Variants in SAG observed in about 807,000 individuals in gnomAD.
SAG encodes the protein S-arrestin.
A neutral mutation model predicts 55.0 loss-of-function variants in SAG; 45 were observed. That is an observed-to-expected ratio of 0.82 (90% CI 0.64 to 1.05). The LOEUF is 1.05. SAG is among the 50% of genes least tolerant of loss of function. The probability of loss-of-function intolerance (pLI) is 0.00; values close to 1 mark genes in which losing one functional copy is unlikely to be tolerated. For missense variants in SAG, 455 were observed against 512.1 expected, an observed-to-expected ratio of 0.89 and a Z score of 1.08; for synonymous variants, 189 against 197.4, an observed-to-expected ratio of 0.96 and a Z score of 0.36.
intron 6 of SAG, among the ~76,000 whole-genome samples, chr2:233,326,905 G>A (rs1393606035): frequency 2.6e-5 from 4 of 152,218 alleles, no homozygotes; most frequent in African/African-American, 9.7e-5. Context: ...CCTCCCTCTG[G>A]GGGCTTTGGG....
In SAG at chr2:233,334,946, G is replaced by A; in HGVS notation, c.807-16G>A. 1 of 1,613,796 alleles carries A rather than the reference G, an allele frequency of 6.2e-7. No homozygotes were observed. Reference sequence around the variant, plus strand: ...GCTTTGATGGTTATAAATCTCCTCTGTTCTTCTTCCTCTAGAGAAAAAGTG... The same window carrying A: ...GCTTTGATGGTTATAAATCTCCTCTATTCTTCTTCCTCTAGAGAAAAAGTG... On this transcript the variant is annotated splice_polypyrimidine_tract_variant and intron_variant, in intron 10 of 15. Transcript: ENST00000409110.
intron 2 of SAG, 78 bp downstream of exon 2, chr2:233,309,342 C>A: frequency 7.8e-7 from 1 of 1,278,358 alleles, no homozygotes; most frequent in South Asian, 1.3e-5. Context: ...ACAGTGTAGT[C>A]ATGATCAACA....
chr2:233,320,853 C>T, intron 5 of SAG, 30 bp downstream of exon 5: 1 of 1,541,124 alleles, frequency 6.5e-7, no homozygotes, highest in Non-Finnish European at 8.8e-7. Flanking sequence ...AGCCCTGCTT[C>T]CTTCACCCGC....
intron 2 of SAG, among the ~76,000 whole-genome samples, chr2:233,314,165 T>C (rs1398722336): frequency 6.6e-6 from 1 of 150,476 alleles, no homozygotes; most frequent in African/African-American, 2.5e-5. Context: ...GGGGTTGCAG[T>C]GAGCTGAGAT....
intron 10 of SAG, chr2:233,332,986 AGGG>A (rs1700815231): frequency 6.6e-6 from 1 of 150,790 alleles, no homozygotes; most frequent in South Asian, 2.1e-4. Flanking sequence ...TAGTAGAGAC[AGGG>A]TTTCACCTGT....
rs1436278880 is a variant in SAG, at chr2:233,334,984, A to C, written c.829A>C (p.Thr277Pro). 3.1e-6 allele frequency: 5 copies of C among 1,614,010 alleles called. No homozygotes were observed. The highest frequency in any genetic ancestry group is 4.2e-6 in the Non-Finnish European group (5 of 1,179,878). The change falls in exon 11 of 16, where the codon ACT becomes CCT. Residue 277 changes from threonine (T) to proline (P), a missense_variant. Transcript: ENST00000409110. Reference sequence around the variant, plus strand: ...TAGAGAAAAAGTGCCACCAAACAGCACTTTGACCAAGACGCTGACGCTGCT... The same window carrying C: ...TAGAGAAAAAGTGCCACCAAACAGCCCTTTGACCAAGACGCTGACGCTGCT... ...EAQEKVPPNS[T>P]LTKTLTLLPL...
intron 11 of SAG, among the ~76,000 whole-genome samples, chr2:233,336,875 C>T (rs1700948319): frequency 1.3e-5 from 2 of 152,112 alleles, no homozygotes; most frequent in Non-Finnish European, 2.9e-5. Flanking sequence ...GTGGGCGAAT[C>T]GCTTGAGCCC....
At position 233,319,366 on chromosome 2, in the gene SAG, T is replaced by G. The variant is rs1243001204; in HGVS notation, c.181+571T>G. Among the ~76,000 whole-genome samples, 1 of 152,190 alleles carries G rather than the reference T, an allele frequency of 6.6e-6. No homozygotes were observed. Among genetic ancestry groups the G allele is most frequent in the African/African-American group, 2.4e-5 (1 of 41,442 alleles). ...GTTCTGAACCAGTGTCACGGCGCCC[T>G]TGAAGATTTCTGGCAGTTTTGATGT... On this transcript the variant is annotated intron_variant, in intron 4 of 15. Coordinates refer to ENST00000409110, the MANE Select transcript of SAG (RefSeq NM_000541.5). The surrounding 1 kb of genome is among the most constrained non-coding windows in gnomAD (Gnocchi z 4.4).
chr2:233,322,830 G>T, intron 5 of SAG, 116 bp from the exon 6 acceptor site: 1 of 709,450 alleles, frequency 1.4e-6, no homozygotes, highest in East Asian at 2.7e-5. Flanking sequence ...AGGTGAATGT[G>T]ATTTTTCTTT....
chr2:233,342,495 C>G, intron 14 of SAG, 169 bp downstream of exon 14: 1 of 647,218 alleles, frequency 1.5e-6, no homozygotes, highest in Non-Finnish European at 2.8e-6. Context: ...GAGGGCCCAT[C>G]TGTTCAGCGC....
At chr2:233,346,465 C>T in intron 15 of SAG, 53 bp downstream of exon 15, 1 of 1,588,040 alleles carries the variant, frequency 6.3e-7, no homozygotes, top group Non-Finnish European at 8.6e-7. Context: ...CTGGGACCTT[C>T]TCCTCCAGCA....
At chr2:233,308,248 C>G (rs1263299509) in intron 1 of SAG, among the ~76,000 whole-genome samples, 1 of 152,114 alleles carries the variant, frequency 6.6e-6, no homozygotes, top group Non-Finnish European at 1.5e-5. Flanking sequence ...TCACTTGAAG[C>G]CAGGAATTCG....
intron 11 of SAG, among the ~76,000 whole-genome samples, chr2:233,336,903 C>T (rs1471273336): frequency 6.6e-6 from 1 of 152,080 alleles, no homozygotes; most frequent in African/African-American, 2.4e-5. Context: ...TGAGACCAGC[C>T]TGGGCAACAT....
chr2:233,339,487 T>G (rs897595787), intron 12 of SAG, among the ~76,000 whole-genome samples: 2 of 152,026 alleles, frequency 1.3e-5, no homozygotes, highest in African/African-American at 4.8e-5. Context: ...TTTCCCAAAT[T>G]TCTAACAAAG....
chr2:233,339,816 C>T (rs908598956), intron 12 of SAG, among the ~76,000 whole-genome samples: 3 of 151,858 alleles, frequency 2.0e-5, no homozygotes, highest in African/African-American at 4.8e-5. Context: ...GTGCCCACCA[C>T]CATGCCTGGC....
chr2:233,326,894 C>T (rs573496528), intron 6 of SAG, among the ~76,000 whole-genome samples: 138 of 152,158 alleles, frequency 9.1e-4, no homozygotes, highest in African/African-American at 3.2e-3. Flanking sequence ...CAGGTGGATC[C>T]CCTCCCTCTG....
rs761192719 is a variant in SAG, at chr2:233,329,452, C to T, written c.649-41C>T. ...AGCAGTAAGATTAAAGACACCGCCA[C>T]ATCTGTTCTCTTCTTCTGACCTATC... On this transcript the variant is annotated intron_variant, in intron 8 of 15. Transcript: ENST00000409110. 8 of 1,220,116 alleles carry T rather than the reference C, an allele frequency of 6.6e-6. No homozygotes were observed. In the South Asian group the frequency reaches 7.3e-5, roughly 11 times the overall value. The allele number at this position is 1,220,116 out of a possible 1,614,324, so 75.6% of individuals were successfully genotyped here.
rs3762587 is a variant in SAG at position 233,315,989 on chromosome 2, C to T, written c.76-86C>T. ...TGCTAAGATTACAGGTGTGAGCCAC[C>T]GCGCCCGGGCTGCTGCTGGTTTTTA... On this transcript the variant is annotated intron_variant, in intron 2 of 15. Coordinates refer to ENST00000409110, the MANE Select transcript of SAG (RefSeq NM_000541.5). 257 of 793,500 alleles carry T rather than the reference C, an allele frequency of 3.2e-4. No individual in the cohort carries two copies. In the East Asian group the frequency reaches 5.3e-3, roughly 16 times the overall value. 49.2% of individuals were successfully genotyped at this position (793,500 alleles called of 1,614,324 possible).
intron 11 of SAG, among the ~76,000 whole-genome samples, 158 bp downstream of exon 11, chr2:233,335,257 T>A (rs960740909): frequency 6.6e-6 from 1 of 152,152 alleles, no homozygotes; most frequent in African/African-American, 2.4e-5. Context: ...CACACAAGGA[T>A]CCCACTCTCA....
Sources: gnomAD v4.1 joint callset for allele counts (sites outside exome capture counted in the v4.1 genomes callset) on GRCh38, gnomAD v4.1.1 for gene constraint, Gnocchi (gnomAD v3.1) non-coding constraint, MANE v1.5 for transcripts, NCBI Gene and HGNC (gene_info 2026-07-23, HGNC 2026-07-21) for gene names.